Variants in TSHZ3 observed in about 807,000 individuals in gnomAD.
TSHZ3 encodes the protein teashirt homolog 3.
Under a neutral mutation model 64.5 loss-of-function variants are expected in TSHZ3, and 10 were observed. That is an observed-to-expected ratio of 0.16 (90% CI 0.10 to 0.26). The LOEUF (loss-of-function observed/expected upper bound fraction) is 0.26. TSHZ3 is among the 10% of genes least tolerant of loss of function. The pLI is 1.00. For synonymous variants in TSHZ3, 608 were observed against 593.1 expected (o/e 1.03, Z -0.36); for missense variants, 1,242 against 1,421.7 (o/e 0.87, Z 2.03).
At chr19:31,234,622 A>C (rs779648895) in intron 3 of TSHZ3, among the ~76,000 whole-genome samples, 1 of 152,190 alleles carries the variant, frequency 6.6e-6, no homozygotes. Context: ...CTTTTGCTGC[A>C]TCTATCTACT....
chr19:31,243,624 G>T (rs1044682464), intron 1 of TSHZ3, among the ~76,000 whole-genome samples: 2 of 152,134 alleles, frequency 1.3e-5, no homozygotes, highest in East Asian at 3.9e-4. Context: ...AAGCAGAGGG[G>T]GTGGGGGCAG....
rs1369034984 is a variant in TSHZ3, at chr19:31,193,104, G to A, written n.809+11852C>T. 5.9e-5 allele frequency among the ~76,000 whole-genome samples: 9 copies of A among 152,140 alleles called. No homozygotes were observed. In the East Asian group the frequency reaches 1.5e-3, roughly 26 times the overall value. On this transcript the variant is annotated intron_variant and non_coding_transcript_variant, in intron 5 of 6. Coordinates refer to the TSHZ3 transcript ENST00000651361. ...CTCATGTTGCTGATGAAAGGGAGACGTGTGAAAGAGAAAGGATCTTCTCTT... is the reference window on the plus strand; with the variant it reads ...CTCATGTTGCTGATGAAAGGGAGACATGTGAAAGAGAAAGGATCTTCTCTT...
intron 5 of TSHZ3, among the ~76,000 whole-genome samples, chr19:31,176,495 C>G (rs923895500): frequency 6.6e-6 from 1 of 152,142 alleles, no homozygotes; most frequent in Non-Finnish European, 1.5e-5. Flanking sequence ...CAGAGAAGTG[C>G]AAATTAAAAC....
chr19:31,270,007 A>C (rs560294245), downstream of TSHZ3, among the ~76,000 whole-genome samples: 1 of 152,330 alleles, frequency 6.6e-6, no homozygotes, highest in Admixed American at 6.5e-5. Flanking sequence ...TCACTGACTA[A>C]GGGCAGAGCA....
upstream of TSHZ3, among the ~76,000 whole-genome samples, chr19:31,350,628 C>T (rs931585641): frequency 1.3e-5 from 2 of 151,624 alleles, no homozygotes; most frequent in African/African-American, 2.4e-5. Context: ...TGATCGGGGT[C>T]GCTGAGGCTC....
intron 1 of TSHZ3, among the ~76,000 whole-genome samples, chr19:31,325,947 A>G (rs1256257466): frequency 1.3e-5 from 2 of 152,200 alleles, no homozygotes; most frequent in Non-Finnish European, 2.9e-5. Flanking sequence ...TATTATGTAC[A>G]ATGTAATATA....
Position 31,277,929 on chromosome 19 carries a change from C to T in TSHZ3, c.1864G>A (p.Ala622Thr). ...ELVKKVTEKV[A>T]KVEEKMKEPD... Reference sequence around the variant, plus strand: ...TCCTTCATCTTCTCCTCCACTTTGGCAACTTTCTCAGTGACCTTTTTCACC... The same window carrying T: ...TCCTTCATCTTCTCCTCCACTTTGGTAACTTTCTCAGTGACCTTTTTCACC... The change falls in exon 2 of 2, where the codon GCC (alanine) becomes ACC (threonine). Residue 622 changes from alanine (A) to threonine (T), a missense_variant. Coordinates refer to ENST00000240587, the MANE Select transcript of TSHZ3 (RefSeq NM_020856.4). This position sits in a 1 kb window ranked among gnomAD's most constrained non-coding sequence, Gnocchi z 4.5. 6.2e-7 allele frequency: 1 copy of T among 1,614,230 alleles called. No homozygotes were observed. Among genetic ancestry groups the T allele is most frequent in the Non-Finnish European group, 8.5e-7 (1 of 1,180,030 alleles).
At chr19:31,211,255 C>T (rs578251832) in intron 4 of TSHZ3, among the ~76,000 whole-genome samples, 3 of 152,258 alleles carry the variant, frequency 2.0e-5, no homozygotes, top group South Asian at 2.1e-4. Flanking sequence ...TTTACAAAAT[C>T]GATCTCAGAT....
At chr19:31,161,526 T>A (rs1203583594) in intron 5 of TSHZ3, among the ~76,000 whole-genome samples, 1 of 152,218 alleles carries the variant, frequency 6.6e-6, no homozygotes, top group Non-Finnish European at 1.5e-5. Flanking sequence ...TTCTCCTCTT[T>A]AGAATTCGCT....
intron 1 of TSHZ3, among the ~76,000 whole-genome samples, chr19:31,333,527 T>C (rs889134231): frequency 2.0e-5 from 3 of 152,108 alleles, no homozygotes; most frequent in Non-Finnish European, 4.4e-5. Context: ...GCCAACCCCG[T>C]GGCATGCAGA....
chr19:31,232,593 T>G (rs1467268659), intron 3 of TSHZ3, among the ~76,000 whole-genome samples: 3 of 152,216 alleles, frequency 2.0e-5, no homozygotes, highest in Non-Finnish European at 2.9e-5. Context: ...ACATTTTAAA[T>G]GTACAGGTCA....
Position 31,300,065 on chromosome 19 carries a change from A to AGT in TSHZ3, c.41-20315_41-20314dup, listed in dbSNP as rs369255947. 1.6e-3 allele frequency among the ~76,000 whole-genome samples: 241 copies of AGT among 151,596 alleles called. 2 individuals are homozygous for AGT. The highest frequency in any genetic ancestry group is 0.012 in the South Asian group (59 of 4,768). On this transcript the variant is annotated intron_variant, in intron 1 of 1. Coordinates refer to ENST00000240587, the MANE Select transcript of TSHZ3 (RefSeq NM_020856.4). ...GTGTGTATGTGTGAGCACGCGAGAG[A>AGT]GTGTGTGTGTGTGTGTGAATTCTCT... is the stretch of plus-strand genomic sequence containing the variant.
chr19:31,303,325 G>A (rs958339130), intron 1 of TSHZ3, among the ~76,000 whole-genome samples: 2 of 152,212 alleles, frequency 1.3e-5, no homozygotes, highest in Admixed American at 6.5e-5. Context: ...GAATACGCCC[G>A]GGTCTGCACT....
chr19:31,239,997 ACT>A (rs1356653740), intron 3 of TSHZ3, among the ~76,000 whole-genome samples: 1 of 151,532 alleles, frequency 6.6e-6, no homozygotes, highest in East Asian at 1.9e-4. Context: ...TTGCAATTTG[ACT>A]CTGATTATTT....
At chr19:31,319,771 G>A (rs1407019622) in intron 1 of TSHZ3, among the ~76,000 whole-genome samples, 1 of 151,960 alleles carries the variant, frequency 6.6e-6, no homozygotes, top group Non-Finnish European at 1.5e-5. Context: ...AAACATCACT[G>A]AAACAAGTTT....
At chr19:31,179,729 AGGTGGT>A (rs61269486) in intron 5 of TSHZ3, among the ~76,000 whole-genome samples, 113 of 147,364 alleles carry the variant, frequency 7.7e-4, no homozygotes, top group African/African-American at 2.5e-3. Flanking sequence ...TGATGATGGT[AGGTGGT>A]GGTGGTGGTG....
At chr19:31,294,378 C>A (rs764082779) in intron 1 of TSHZ3, among the ~76,000 whole-genome samples, 14 of 152,138 alleles carry the variant, frequency 9.2e-5, no homozygotes, top group Non-Finnish European at 1.8e-4. Flanking sequence ...CAGGACTCAG[C>A]CAGCCCTGAC....
intron 1 of TSHZ3, among the ~76,000 whole-genome samples, chr19:31,281,149 A>C (rs1044487632): frequency 6.6e-6 from 1 of 152,126 alleles, no homozygotes; most frequent in Non-Finnish European, 1.5e-5. Flanking sequence ...TTAAGAAAGG[A>C]AGGGAAGTTT....
chr19:31,258,960 G>A (rs909866886), intron 1 of TSHZ3, among the ~76,000 whole-genome samples: 5 of 152,146 alleles, frequency 3.3e-5, no homozygotes, highest in East Asian at 1.9e-4. Flanking sequence ...GCCCCGGCCC[G>A]CCTTCTCTAT....
Sources: allele counts gnomAD v4.1 joint callset (sites outside exome capture counted in the v4.1 genomes callset), GRCh38; gene constraint gnomAD v4.1.1; non-coding constraint Gnocchi (gnomAD v3.1); transcripts MANE v1.5; gene names NCBI Gene and HGNC (gene_info 2026-07-23, HGNC 2026-07-21).